BBX: variants seen among roughly 807,000 people sequenced by gnomAD.
The protein encoded by BBX is HMG box transcription factor BBX.
A neutral mutation model predicts 100.2 loss-of-function variants in BBX; 30 were observed. The ratio of observed to expected loss-of-function variants is 0.30; its 90% CI spans 0.22 to 0.41. The LOEUF (loss-of-function observed/expected upper bound fraction) is 0.41. Among genes scored for constraint, BBX ranks in the 10% least tolerant of loss-of-function variants. BBX has a pLI of 1.00. For synonymous variants in BBX, 376 were observed against 388.1 expected (o/e 0.97, Z 0.37); for missense variants, 1,023 against 1,129.8 (o/e 0.91, Z 1.35).
intron 2 of BBX, among the ~76,000 whole-genome samples, chr3:107,544,300 A>G (rs57964862): frequency 0.19 from 28,387 of 152,160 alleles, 4,464 homozygotes; most frequent in East Asian, 0.88. Flanking sequence ...GTCATAATAG[A>G]TTGATTTTGT....
chr3:107,792,426 A>G (rs1463608899), intron 15 of BBX, among the ~76,000 whole-genome samples: 3 of 152,244 alleles, frequency 2.0e-5, no homozygotes, highest in Non-Finnish European at 2.9e-5. Flanking sequence ...AAAATGCACA[A>G]TTGACGTAAG....
intron 17 of BBX, among the ~76,000 whole-genome samples, chr3:107,804,762 T>A (rs1316462035): frequency 1.3e-5 from 2 of 151,968 alleles, no homozygotes; most frequent in East Asian, 1.9e-4. Context: ...CTCTAAACAC[T>A]CTCTGTCCAT....
intron 2 of BBX, among the ~76,000 whole-genome samples, chr3:107,604,454 CTT>C (rs1334811931): frequency 6.6e-6 from 1 of 152,062 alleles, no homozygotes; most frequent in Non-Finnish European, 1.5e-5. Flanking sequence ...TGGAATTGCT[CTT>C]GTTTGTCACT....
At chr3:107,644,151 A>G (rs1238704083) in intron 2 of BBX, among the ~76,000 whole-genome samples, 2 of 152,156 alleles carry the variant, frequency 1.3e-5, no homozygotes, top group Non-Finnish European at 2.9e-5. Flanking sequence ...AATAGAAACA[A>G]ATCTCCAAGG....
chr3:107,662,035 C>A, intron 3 of BBX: 1 of 379,716 alleles, frequency 2.6e-6, no homozygotes, highest in Non-Finnish European at 3.6e-6. Context: ...GGACACAGGA[C>A]AGAAGAAATA....
intron 3 of BBX, among the ~76,000 whole-genome samples, chr3:107,706,060 G>A (rs1318088774): frequency 7.9e-6 from 1 of 127,306 alleles, no homozygotes; most frequent in East Asian, 2.5e-4. Context: ...GTCTCACTCT[G>A]TAGCCAGACT....
intron 3 of BBX, among the ~76,000 whole-genome samples, chr3:107,647,072 A>G (rs1428530447): frequency 6.6e-6 from 1 of 152,150 alleles, no homozygotes; most frequent in African/African-American, 2.4e-5. Context: ...TCACTGTGCT[A>G]TCCTTCAAGG....
intron 2 of BBX, among the ~76,000 whole-genome samples, chr3:107,580,497 A>C (rs2052190056): frequency 6.6e-6 from 1 of 152,218 alleles, no homozygotes; most frequent in African/African-American, 2.4e-5. Flanking sequence ...TTAGTAAAGA[A>C]CATTGTCTTT....
intron 2 of BBX, among the ~76,000 whole-genome samples, chr3:107,606,223 A>G (rs1395854523): frequency 6.6e-6 from 1 of 152,236 alleles, no homozygotes; most frequent in Non-Finnish European, 1.5e-5. Flanking sequence ...GTTCACAACA[A>G]TGCTTATCCT....
In BBX at chr3:107,716,476, A is replaced by T; in HGVS notation, c.163-131A>T. Reference sequence around the variant, plus strand: ...CAGTGGTTGTTGATTTTTTAAAATTATATTTTTTTCAATGTGTAAGTTGTT... The same window carrying T: ...CAGTGGTTGTTGATTTTTTAAAATTTTATTTTTTTCAATGTGTAAGTTGTT... On this transcript the variant is annotated intron_variant, in intron 4 of 17. Transcript: ENST00000325805. 2 of 1,132,402 alleles carry T rather than the reference A, an allele frequency of 1.8e-6. 1 individual carries two copies. The highest frequency in any genetic ancestry group is 3.3e-5 in the South Asian group (2 of 61,220). The allele number at this position is 1,132,402 out of a possible 1,614,324, so 70.1% of individuals were successfully genotyped here.
chr3:107,542,477 G>A (rs2048928847), intron 2 of BBX, among the ~76,000 whole-genome samples: 1 of 152,208 alleles, frequency 6.6e-6, no homozygotes, highest in Non-Finnish European at 1.5e-5. Flanking sequence ...TATAGAGATG[G>A]AAGTGGTTAG....
chr3:107,712,578 TCA>T lies in BBX; in HGVS notation c.162+1959_162+1960del, dbSNP rs368708762. Among the ~76,000 whole-genome samples the T allele has an allele frequency of 7.9e-5, 12 of 152,306 alleles. No homozygotes were observed. In the East Asian group the frequency reaches 2.3e-3, roughly 29 times the overall value. The stretch of plus-strand genomic sequence containing the variant: ...CTCAGACTCTACCTTCAAGATATGT[TCA>T]CAGTTTTGTTGCCCTTTTAACAGTT... On this transcript the variant is annotated intron_variant, in intron 4 of 17. Transcript: ENST00000325805.
At chr3:107,664,200 C>T (rs2058620794) in intron 3 of BBX, among the ~76,000 whole-genome samples, 2 of 152,096 alleles carry the variant, frequency 1.3e-5, no homozygotes. Flanking sequence ...TCTTTATGTA[C>T]ATATTACTTC....
At chr3:107,634,159 GA>G (rs2056719258) in intron 2 of BBX, among the ~76,000 whole-genome samples, 1 of 152,192 alleles carries the variant, frequency 6.6e-6, no homozygotes, top group Non-Finnish European at 1.5e-5. Flanking sequence ...TATATAAACA[GA>G]TAAAGATGAC....
intron 7 of BBX, 150 bp downstream of exon 7, chr3:107,733,173 C>G (rs1448678414): frequency 1.4e-6 from 1 of 710,442 alleles, no homozygotes; most frequent in Non-Finnish European, 2.3e-6. Flanking sequence ...TTCTGTGTGT[C>G]TTGTGTGTTG....
intron 3 of BBX, among the ~76,000 whole-genome samples, chr3:107,648,310 T>C (rs1373344225): frequency 6.6e-6 from 1 of 152,174 alleles, no homozygotes; most frequent in African/African-American, 2.4e-5. Flanking sequence ...AGGAAAAGTT[T>C]CTAATATGTA....
intron 14 of BBX, 93 bp downstream of exon 14, chr3:107,789,969 G>T: frequency 1.0e-6 from 1 of 979,794 alleles, no homozygotes; most frequent in Non-Finnish European, 1.5e-6. Flanking sequence ...CCTTTGCCTT[G>T]TCCTCCCCTC....
chr3:107,803,810 C>CT (rs2070780568), intron 17 of BBX, among the ~76,000 whole-genome samples: 1 of 152,198 alleles, frequency 6.6e-6, no homozygotes, highest in South Asian at 2.1e-4. Context: ...CCTCTGGGAG[C>CT]TAGAATCATC....
In BBX at chr3:107,806,812, G is replaced by T. The variant is rs1005125582; in HGVS notation, c.*1355G>T. 1 of 152,146 alleles carries T rather than the reference G, an allele frequency of 6.6e-6. No individual in the cohort carries two copies. Among genetic ancestry groups the T allele is most frequent in the African/African-American group, 2.4e-5 (1 of 41,420 alleles). 9.4% of individuals were successfully genotyped at this position (152,146 alleles called of 1,614,324 possible). On this transcript the variant is annotated 3_prime_UTR_variant, in exon 18 of 18. Coordinates refer to ENST00000325805, the MANE Select transcript of BBX (RefSeq NM_001142568.3). ...AGTCTGAGGCTACAGATTTTACAGGGTATTTGTTCTATAGCACAAAGTATT... is the reference window on the plus strand; with the variant it reads ...AGTCTGAGGCTACAGATTTTACAGGTTATTTGTTCTATAGCACAAAGTATT...
Sources: gnomAD v4.1 joint callset for allele counts (sites outside exome capture counted in the v4.1 genomes callset) on GRCh38, gnomAD v4.1.1 for gene constraint, MANE v1.5 for transcripts, NCBI Gene and HGNC (gene_info 2026-07-23, HGNC 2026-07-21) for gene names.